Variants in PPM1L observed in about 807,000 individuals in gnomAD.
PPM1L encodes the protein protein phosphatase 1L.
A neutral mutation model predicts 31.4 loss-of-function variants in PPM1L; 13 were observed. The ratio of observed to expected loss-of-function variants is 0.41; its 90% confidence interval spans 0.27 to 0.66. PPM1L has a LOEUF of 0.66. Among genes scored for constraint, PPM1L ranks in the 30% least tolerant of loss-of-function variants. PPM1L has a pLI of 0.29. For missense variants in PPM1L, 326 were observed against 453.7 expected, an observed-to-expected ratio of 0.72 and a Z score of 2.56; for synonymous variants, 184 against 175.4, an observed-to-expected ratio of 1.05 and a Z score of -0.39.
intron 1 of PPM1L, among the ~76,000 whole-genome samples, chr3:160,836,609 G>A (rs1377714767): frequency 6.6e-6 from 1 of 152,238 alleles, no homozygotes; most frequent in Non-Finnish European, 1.5e-5. Context: ...GGCGGAGCCA[G>A]CACTCATCCC....
chr3:160,874,139 T>G (rs148243098), intron 1 of PPM1L, among the ~76,000 whole-genome samples: 140 of 152,332 alleles, frequency 9.2e-4, no homozygotes, highest in African/African-American at 3.3e-3. Flanking sequence ...TTTTCTTGTC[T>G]TTAGAAGCTA....
chr3:160,910,076 G>A (rs917761468), intron 1 of PPM1L, among the ~76,000 whole-genome samples: 1 of 152,134 alleles, frequency 6.6e-6, no homozygotes, highest in Non-Finnish European at 1.5e-5. Flanking sequence ...GAAGGGTCTG[G>A]CTGTTCTGTT....
chr3:160,925,637 A>C (rs1714560794), intron 1 of PPM1L, among the ~76,000 whole-genome samples: 3 of 152,218 alleles, frequency 2.0e-5, no homozygotes, highest in Admixed American at 1.3e-4. Flanking sequence ...GGATGAAAAT[A>C]ACTCTACCAT....
chr3:160,799,742 C>G (rs1047694949), intron 1 of PPM1L, among the ~76,000 whole-genome samples: 1 of 152,160 alleles, frequency 6.6e-6, no homozygotes, highest in Non-Finnish European at 1.5e-5. Flanking sequence ...CCTTTTCTTT[C>G]TTTGGGTCTC....
intron 2 of PPM1L, among the ~76,000 whole-genome samples, chr3:161,049,918 G>A (rs1719216924): frequency 6.6e-6 from 1 of 152,130 alleles, no homozygotes; most frequent in African/African-American, 2.4e-5. Flanking sequence ...GCTCTCCCTG[G>A]TCAAAGCTTC....
chr3:160,772,624 C>T (rs763000529), intron 1 of PPM1L, among the ~76,000 whole-genome samples: 2 of 152,156 alleles, frequency 1.3e-5, no homozygotes, highest in Non-Finnish European at 2.9e-5. Context: ...TTGTTATATA[C>T]CCACGAAACC....
chr3:160,811,274 C>T (rs1054570335), intron 1 of PPM1L, among the ~76,000 whole-genome samples: 2 of 152,198 alleles, frequency 1.3e-5, no homozygotes, highest in African/African-American at 2.4e-5. Context: ...CTTTTCTCCC[C>T]GTCTTGAAAT....
At chr3:160,845,649 A>G (rs1399618801) in intron 1 of PPM1L, among the ~76,000 whole-genome samples, 4 of 152,034 alleles carry the variant, frequency 2.6e-5, no homozygotes, top group African/African-American at 4.8e-5. Context: ...TTTAAGCCCT[A>G]TTATACATTT....
At chr3:161,016,234 T>A (rs1277210190) in intron 2 of PPM1L, among the ~76,000 whole-genome samples, 18 of 152,288 alleles carry the variant, frequency 1.2e-4, no homozygotes, top group Admixed American at 9.2e-4. Flanking sequence ...CCAAATATTG[T>A]TTCAGATAGT....
chr3:160,865,495 G>A (rs1258903355), intron 1 of PPM1L, among the ~76,000 whole-genome samples: 4 of 152,090 alleles, frequency 2.6e-5, no homozygotes, highest in Admixed American at 2.6e-4. Context: ...AAATTAGTTG[G>A]CCGTGCGTGG....
chr3:160,935,414 A>G (rs1018292481), intron 1 of PPM1L, among the ~76,000 whole-genome samples: 1 of 152,186 alleles, frequency 6.6e-6, no homozygotes, highest in African/African-American at 2.4e-5. Context: ...GGGTGCGTAC[A>G]TCTGTATGTG....
In PPM1L at chr3:160,835,039, A is replaced by ACTTCTTCTTCTTCTTCTTCTTCTTCTT. The variant is rs201253772; in HGVS notation, c.399+78354_399+78380dup. Among the ~76,000 whole-genome samples the ACTTCTTCTTCTTCTTCTTCTTCTTCTT allele has an allele frequency of 2.8e-3, 375 of 131,812 alleles. 2 individuals are homozygous for ACTTCTTCTTCTTCTTCTTCTTCTTCTT. Among genetic ancestry groups the ACTTCTTCTTCTTCTTCTTCTTCTTCTT allele is most frequent in the Non-Finnish European group, 3.9e-3 (245 of 63,424 alleles). The allele number at this position is 131,812 out of a possible 152,430, so 86.5% of individuals were successfully genotyped here. A position where few individuals can be genotyped will look rare whatever the true frequency, so the allele number is the denominator to read the frequency against. On this transcript the variant is annotated intron_variant, in intron 1 of 3. Coordinates refer to ENST00000498165, the MANE Select transcript of PPM1L (RefSeq NM_139245.4). ...TACTACTACTACTATTACTACTACT[A>ACTTCTTCTTCTTCTTCTTCTTCTTCTT]CTTCTTCTTCTTCTTCTTCTTCTTC...
rs116450249 is a variant in PPM1L, at chr3:161,066,224, G to C, written c.736+660G>C. On this transcript the variant is annotated intron_variant, in intron 3 of 3. Transcript: ENST00000498165. ...GCCTGGTATAAGTAAATATTTCAGA[G>C]CAAGGTTGGGGGTAGAGGGGTCCCT... Among the ~76,000 whole-genome samples the C allele has an allele frequency of 2.2e-3, 332 of 152,304 alleles. 1 individual carries two copies. The highest frequency in any genetic ancestry group is 7.8e-3 in the African/African-American group (324 of 41,570).
intron 1 of PPM1L, among the ~76,000 whole-genome samples, chr3:160,785,555 T>C (rs1350371809): frequency 6.6e-6 from 1 of 152,186 alleles, no homozygotes; most frequent in Non-Finnish European, 1.5e-5. Flanking sequence ...TTTTGAGCAA[T>C]ATTTTAGGCA....
In PPM1L at chr3:160,794,889, T is replaced by C. The variant is rs78729332; in HGVS notation, c.399+38182T>C. 5.5e-4 allele frequency among the ~76,000 whole-genome samples: 84 copies of C among 152,304 alleles called. No individual in the cohort carries two copies. The East Asian group carries it at 0.012, about 22-fold the overall frequency. ...TGCATGTGGCCCACGGGTAGAGGGTTGGACAAGCTTGCTTTAGAGAAAGAG... is the reference window on the plus strand; with the variant it reads ...TGCATGTGGCCCACGGGTAGAGGGTCGGACAAGCTTGCTTTAGAGAAAGAG... On this transcript the variant is annotated intron_variant, in intron 1 of 3. Coordinates refer to ENST00000498165, the MANE Select transcript of PPM1L (RefSeq NM_139245.4).
intron 1 of PPM1L, among the ~76,000 whole-genome samples, chr3:160,782,189 G>A (rs1413004298): frequency 2.0e-5 from 3 of 151,448 alleles, no homozygotes; most frequent in Non-Finnish European, 4.4e-5. Context: ...CCAAATAAAT[G>A]TTGTCATGAT....
intron 1 of PPM1L, among the ~76,000 whole-genome samples, chr3:160,827,447 TTGTG>T (rs59524935): frequency 0.014 from 1,950 of 141,428 alleles, 23 homozygotes; most frequent in Non-Finnish European, 0.014. Flanking sequence ...TGATATAAGT[TTGTG>T]TGTGTGTGTG....
intron 2 of PPM1L, among the ~76,000 whole-genome samples, chr3:161,046,770 A>C (rs9880269): frequency 0.28 from 43,030 of 152,066 alleles, 6,418 homozygotes; most frequent in East Asian, 0.58. Flanking sequence ...CCCTGGGATG[A>C]AAGGCTGGTT....
intron 1 of PPM1L, among the ~76,000 whole-genome samples, chr3:160,926,012 A>C (rs1307466180): frequency 6.6e-6 from 1 of 152,176 alleles, no homozygotes; most frequent in Non-Finnish European, 1.5e-5. Context: ...TGAGAGAAGG[A>C]GAAGAGGCAG....
Sources: gnomAD v4.1 joint callset for allele counts (sites outside exome capture counted in the v4.1 genomes callset) on GRCh38, gnomAD v4.1.1 for gene constraint, MANE v1.5 for transcripts, NCBI Gene and HGNC (gene_info 2026-07-23, HGNC 2026-07-21) for gene names.